OPCML: variants seen among roughly 807,000 people sequenced by gnomAD.
OPCML encodes opioid binding protein/cell adhesion molecule like.
OPCML carries 13 observed loss-of-function variants against 37.8 expected under a neutral mutation model. The observed-to-expected ratio is 0.34, with a 90% CI of 0.22 to 0.55. The LOEUF (loss-of-function observed/expected upper bound fraction) is 0.55. OPCML is among the 20% of genes least tolerant of loss of function. The pLI, the probability that OPCML is intolerant of heterozygous loss-of-function variation, is 0.91. For missense variants in OPCML, 341 were observed against 435.6 expected (o/e 0.78, Z 1.93); for synonymous variants, 176 against 168.8 (o/e 1.04, Z -0.33).
intron 2 of OPCML, among the ~76,000 whole-genome samples, chr11:132,935,428 T>C (rs1945338756): frequency 6.6e-6 from 1 of 152,202 alleles, no homozygotes; most frequent in African/African-American, 2.4e-5. Flanking sequence ...AGTTGAATTG[T>C]CTTCTGTGGA....
At chr11:133,000,880 TTAAG>T (rs1402707162) in intron 1 of OPCML, among the ~76,000 whole-genome samples, 3 of 152,202 alleles carry the variant, frequency 2.0e-5, no homozygotes, top group African/African-American at 7.2e-5. Context: ...CCTCACAGTA[TTAAG>T]TGAGTCCTTC....
chr11:132,634,381 C>A (rs752560163), intron 3 of OPCML, among the ~76,000 whole-genome samples: 2 of 152,226 alleles, frequency 1.3e-5, no homozygotes, highest in Non-Finnish European at 2.9e-5. Context: ...TGGAAAATTT[C>A]TGCAGGTTGG....
chr11:132,869,330 C>T (rs1047124482), intron 2 of OPCML, among the ~76,000 whole-genome samples: 9 of 152,146 alleles, frequency 5.9e-5, no homozygotes, highest in African/African-American at 2.2e-4. Context: ...GAGTTGACAC[C>T]CCGCCTCCTC....
intron 1 of OPCML, among the ~76,000 whole-genome samples, chr11:133,184,939 A>G (rs1309739470): frequency 1.3e-5 from 2 of 152,152 alleles, no homozygotes; most frequent in African/African-American, 2.4e-5. Flanking sequence ...CTGAGTGGTG[A>G]TGAGCACATC....
intron 7 of OPCML, among the ~76,000 whole-genome samples, chr11:132,429,557 G>A (rs945883276): frequency 6.6e-6 from 1 of 152,274 alleles, no homozygotes; most frequent in Admixed American, 6.5e-5. Flanking sequence ...CGTTCCCAGC[G>A]GAGAAGGGCT....
chr11:133,372,875 A>G (rs900033235), intron 1 of OPCML, among the ~76,000 whole-genome samples: 2 of 152,216 alleles, frequency 1.3e-5, no homozygotes, highest in Non-Finnish European at 2.9e-5. Context: ...AATTGTTTGC[A>G]TAGATCTGCA....
chr11:132,535,994 G>C (rs1245445823), intron 3 of OPCML, among the ~76,000 whole-genome samples: 1 of 152,124 alleles, frequency 6.6e-6, no homozygotes, highest in Middle Eastern at 3.2e-3. Context: ...AGCTGAATCA[G>C]AACAGGAAGC....
chr11:133,227,109 G>C (rs892538377), intron 1 of OPCML, among the ~76,000 whole-genome samples: 3 of 152,096 alleles, frequency 2.0e-5, no homozygotes, highest in Non-Finnish European at 2.9e-5. Context: ...ACCAGCCTTC[G>C]CCCCTGCACA....
chr11:132,696,472 G>A (rs1289629041), intron 2 of OPCML, among the ~76,000 whole-genome samples: 20 of 151,920 alleles, frequency 1.3e-4, no homozygotes, highest in South Asian at 2.1e-4. Flanking sequence ...ACCTCTAATT[G>A]GTATTCTTAG....
chr11:133,329,172 G>T (rs1306829987), intron 1 of OPCML, among the ~76,000 whole-genome samples: 1 of 152,062 alleles, frequency 6.6e-6, no homozygotes, highest in South Asian at 2.1e-4. Context: ...CACTGCTCAA[G>T]GAAATAAAAG....
chr11:132,476,066 C>A (rs984912742), intron 4 of OPCML, among the ~76,000 whole-genome samples: 2 of 152,164 alleles, frequency 1.3e-5, no homozygotes, highest in African/African-American at 2.4e-5. Context: ...GCTATCAGCA[C>A]TATGTAAGAT....
At chr11:132,702,746 C>G (rs1943878165) in intron 2 of OPCML, among the ~76,000 whole-genome samples, 1 of 151,960 alleles carries the variant, frequency 6.6e-6, no homozygotes, top group African/African-American at 2.4e-5. Flanking sequence ...GGCTTTTTCA[C>G]TCTTTTTTTT....
intron 1 of OPCML, among the ~76,000 whole-genome samples, chr11:133,109,176 T>C (rs955023181): frequency 1.3e-4 from 20 of 152,194 alleles, no homozygotes; most frequent in Middle Eastern, 3.2e-3. Context: ...TTCCTTCCGG[T>C]GGGTTCGTGG....
intron 4 of OPCML, among the ~76,000 whole-genome samples, chr11:132,480,722 C>T (rs1002204432): frequency 9.9e-5 from 15 of 152,102 alleles, no homozygotes; most frequent in Admixed American, 5.2e-4. Flanking sequence ...ATTCAACATT[C>T]TTAAAGAAAA....
At chr11:133,414,836 C>T (rs1286104188) in intron 1 of OPCML, among the ~76,000 whole-genome samples, 3 of 152,116 alleles carry the variant, frequency 2.0e-5, no homozygotes, top group Non-Finnish European at 1.5e-5. Flanking sequence ...CCCTTGCTGG[C>T]TGTGACATCC....
At chr11:133,390,402 G>C (rs1945147309) in intron 1 of OPCML, among the ~76,000 whole-genome samples, 2 of 152,202 alleles carry the variant, frequency 1.3e-5, no homozygotes, top group South Asian at 4.1e-4. Flanking sequence ...GGTGGAGCTT[G>C]CAGCGAGCCG....
chr11:132,497,421 A>AC (rs5795783), intron 4 of OPCML, among the ~76,000 whole-genome samples: 5,205 of 151,856 alleles, frequency 0.034, 316 homozygotes, highest in African/African-American at 0.11. Context: ...CTGAACAAAA[A>AC]AAAAAAAAAG....
At position 133,189,900 on chromosome 11, in the gene OPCML, T is replaced by C. The variant is rs148553706; in HGVS notation, c.62-246890A>G. Among the ~76,000 whole-genome samples the C allele has an allele frequency of 1.1e-3, 166 of 152,340 alleles. 1 individual carries two copies. Among genetic ancestry groups the C allele is most frequent in the Admixed American group, 1.7e-3 (26 of 15,302 alleles). On this transcript the variant is annotated intron_variant, in intron 1 of 7. Coordinates refer to ENST00000524381, the MANE Select transcript of OPCML (RefSeq NM_001012393.5). ...CTAGGGCAATTGAACACTCTTCTAA[T>C]TGAACAGGGAAAATAAGGAGTGGTT...
chr11:132,708,839 C>A (rs1944142831), intron 2 of OPCML, among the ~76,000 whole-genome samples: 1 of 152,114 alleles, frequency 6.6e-6, no homozygotes, highest in South Asian at 2.1e-4. Flanking sequence ...CCAGTGTCAC[C>A]AGATATTAAA....
Sources: allele counts gnomAD v4.1 joint callset (sites outside exome capture counted in the v4.1 genomes callset), GRCh38; gene constraint gnomAD v4.1.1; transcripts MANE v1.5; gene names NCBI Gene and HGNC (gene_info 2026-07-23, HGNC 2026-07-21).